CNTN4: variants seen among roughly 807,000 people sequenced by gnomAD.
The protein encoded by CNTN4 is contactin-4.
Under a neutral mutation model 122.5 loss-of-function variants are expected in CNTN4, and 77 were observed. The ratio of observed to expected loss-of-function variants is 0.63; its 90% confidence interval spans 0.52 to 0.76. The LOEUF (loss-of-function observed/expected upper bound fraction) is 0.76, where lower values mean the gene tolerates loss of function less well. Among genes scored for constraint, CNTN4 ranks in the 30% least tolerant of loss-of-function variants. The pLI, the probability that CNTN4 is intolerant of heterozygous loss-of-function variation, is 0.00. For synonymous variants in CNTN4, 512 were observed against 447.0 expected (o/e 1.15, Z -1.83); for missense variants, 1,256 against 1,259.1 (o/e 1.00, Z 0.04).
chr3:2,481,509 A>G (rs1313780064), intron 3 of CNTN4, among the ~76,000 whole-genome samples: 4 of 152,174 alleles, frequency 2.6e-5, no homozygotes, highest in Non-Finnish European at 5.9e-5. Flanking sequence ...AACAAATCAA[A>G]AAAAGAATCT....
At chr3:2,111,612 T>G (rs1449303310) in intron 2 of CNTN4, among the ~76,000 whole-genome samples, 1 of 152,174 alleles carries the variant, frequency 6.6e-6, no homozygotes, top group East Asian at 1.9e-4. Flanking sequence ...GTGATTCATA[T>G]CCTGTCTCTA....
intron 3 of CNTN4, among the ~76,000 whole-genome samples, chr3:2,352,781 C>T (rs762667083): frequency 3.9e-5 from 6 of 152,194 alleles, no homozygotes; most frequent in Non-Finnish European, 7.4e-5. Context: ...GTGCACGGTG[C>T]GGGACTGGTG....
At chr3:2,226,361 G>T (rs2149519508) in intron 2 of CNTN4, among the ~76,000 whole-genome samples, 1 of 152,196 alleles carries the variant, frequency 6.6e-6, no homozygotes, top group Middle Eastern at 3.4e-3. Context: ...GGAATTGTGA[G>T]TTTGGAAACA....
At chr3:2,916,099 G>A (rs1402800733) in intron 12 of CNTN4, among the ~76,000 whole-genome samples, 1 of 152,238 alleles carries the variant, frequency 6.6e-6, no homozygotes, top group Non-Finnish European at 1.5e-5. Flanking sequence ...CTCGCAATGA[G>A]TTGCACAAAA....
At chr3:2,577,786 G>T (rs562403663) in intron 4 of CNTN4, among the ~76,000 whole-genome samples, 2 of 152,166 alleles carry the variant, frequency 1.3e-5, no homozygotes, top group African/African-American at 4.8e-5. Flanking sequence ...AGCAAGAGGC[G>T]TGAAGACATT....
intron 4 of CNTN4, among the ~76,000 whole-genome samples, chr3:2,633,408 A>G (rs146642234): frequency 6.6e-6 from 1 of 152,308 alleles, no homozygotes; most frequent in African/African-American, 2.4e-5. Flanking sequence ...GCTCCTGTAC[A>G]TGTTTAATAA....
chr3:3,013,814 T>C (rs1697469104), intron 14 of CNTN4, among the ~76,000 whole-genome samples: 1 of 152,174 alleles, frequency 6.6e-6, no homozygotes, highest in African/African-American at 2.4e-5. Flanking sequence ...TATTCGATGC[T>C]GCAGCAGTTT....
chr3:2,270,279 A>G lies in CNTN4; in HGVS notation c.-144-68899A>G, dbSNP rs537303558. Among the ~76,000 whole-genome samples, 68 of 151,976 alleles carry G rather than the reference A, an allele frequency of 4.5e-4. 2 individuals carry two copies. The East Asian group carries it at 0.012, about 27-fold the overall frequency. ...ATTTATTTACTTTAACTTTTATTTT[A>G]GGTTCAACGACATATATACAGGTTT... is the stretch of plus-strand genomic sequence containing the variant. On this transcript the variant is annotated intron_variant, in intron 2 of 24. Coordinates refer to ENST00000418658, the MANE Select transcript of CNTN4 (RefSeq NM_175607.3).
chr3:2,608,497 C>G (rs1386601002), intron 4 of CNTN4, among the ~76,000 whole-genome samples: 1 of 152,148 alleles, frequency 6.6e-6, no homozygotes, highest in Non-Finnish European at 1.5e-5. Context: ...AAACCCTAGG[C>G]TCTTCTTCCC....
At chr3:2,109,122 T>G (rs576891671) in intron 2 of CNTN4, among the ~76,000 whole-genome samples, 1 of 152,232 alleles carries the variant, frequency 6.6e-6, no homozygotes, top group Non-Finnish European at 1.5e-5. Flanking sequence ...AGAAACAGTT[T>G]GTTTTTTCTT....
At chr3:3,046,099 A>T (rs1367490591) in intron 23 of CNTN4, among the ~76,000 whole-genome samples, 1 of 152,192 alleles carries the variant, frequency 6.6e-6, no homozygotes, top group Non-Finnish European at 1.5e-5. Context: ...AAAGAAACGA[A>T]CAAAGCCTCC....
Position 2,887,150 on chromosome 3 carries a change from A to T in CNTN4, c.866A>T (p.Asp289Val), listed in dbSNP as rs550818405. Residue 289 changes from aspartate (D) to valine (V), a missense_variant, in exon 10 of 25, where the codon GAT becomes GTT. Transcript: ENST00000418658. ...GAGATCCCTAATTTTCAGCAGGAGGATGCTGGTTTATATGAATGTGTAGCT... is the reference window on the plus strand; with the variant it reads ...GAGATCCCTAATTTTCAGCAGGAGGTTGCTGGTTTATATGAATGTGTAGCT... ...ILEIPNFQQE[D>V]AGLYECVAEN... 6.2e-7 allele frequency: 1 copy of T among 1,614,090 alleles called. No homozygotes were observed. The highest frequency in any genetic ancestry group is 1.3e-5 in the African/African-American group (1 of 75,048).
chr3:2,603,258 G>A (rs2081123069), intron 4 of CNTN4, among the ~76,000 whole-genome samples: 3 of 152,140 alleles, frequency 2.0e-5, no homozygotes, highest in Admixed American at 2.0e-4. Flanking sequence ...GAAGACTAAT[G>A]AGATTTGAAA....
intron 2 of CNTN4, among the ~76,000 whole-genome samples, chr3:2,170,711 A>G (rs1173381316): frequency 4.6e-5 from 7 of 152,200 alleles, no homozygotes; most frequent in Non-Finnish European, 1.0e-4. Flanking sequence ...GGAAGAGGGA[A>G]TGGGAGACTT....
chr3:2,672,233 A>G (rs1196372485), intron 4 of CNTN4, among the ~76,000 whole-genome samples: 1 of 152,204 alleles, frequency 6.6e-6, no homozygotes, highest in Non-Finnish European at 1.5e-5. Flanking sequence ...AGAGGCAGGT[A>G]GGCCTCCTTG....
intron 4 of CNTN4, among the ~76,000 whole-genome samples, chr3:2,665,772 T>G (rs576628544): frequency 2.0e-5 from 3 of 152,310 alleles, no homozygotes; most frequent in Non-Finnish European, 4.4e-5. Context: ...TTTCACACAT[T>G]TTCCTTTAGC....
chr3:2,424,514 C>T (rs879389875), intron 3 of CNTN4, among the ~76,000 whole-genome samples: 7 of 151,964 alleles, frequency 4.6e-5, no homozygotes, highest in South Asian at 2.1e-4. Context: ...TGAACAGTGC[C>T]GCACTAAACA....
chr3:2,734,703 C>G (rs1377697826), intron 4 of CNTN4, among the ~76,000 whole-genome samples: 1 of 150,514 alleles, frequency 6.6e-6, no homozygotes, highest in African/African-American at 2.4e-5. Flanking sequence ...ATTACCTTAC[C>G]AGGCTTCACC....
chr3:2,410,717 T>C lies in CNTN4; in HGVS notation c.-89+71484T>C, dbSNP rs77206251. Among the ~76,000 whole-genome samples the C allele has an allele frequency of 2.7e-3, 411 of 152,312 alleles. 4 individuals carry two copies. Among genetic ancestry groups the C allele is most frequent in the African/African-American group, 9.2e-3 (381 of 41,584 alleles). On this transcript the variant is annotated intron_variant, in intron 3 of 24. Coordinates refer to ENST00000418658, the MANE Select transcript of CNTN4 (RefSeq NM_175607.3). ...AGATATATTTTCAATGTTATTGCTT[T>C]AGAATACATCTCCTTTACTGAGACA...
Sources: gnomAD v4.1 joint callset for allele counts (sites outside exome capture counted in the v4.1 genomes callset) on GRCh38, gnomAD v4.1.1 for gene constraint, MANE v1.5 for transcripts, NCBI Gene and HGNC (gene_info 2026-07-23, HGNC 2026-07-21) for gene names.